ROR2: variants seen among roughly 807,000 people sequenced by gnomAD.
ROR2 encodes tyrosine-protein kinase transmembrane receptor ROR2.
A neutral mutation model predicts 74.9 loss-of-function variants in ROR2; 33 were observed. That is an observed-to-expected ratio of 0.44 (90% CI 0.33 to 0.59). ROR2 has a LOEUF of 0.59. Among genes scored for constraint, ROR2 ranks in the 20% least tolerant of loss-of-function variants. The probability of loss-of-function intolerance (pLI) is 0.02; values close to 1 mark genes in which losing one functional copy is unlikely to be tolerated. For missense variants in ROR2, 1,216 were observed against 1,313.8 expected, an observed-to-expected ratio of 0.93 and a Z score of 1.15; for synonymous variants, 586 against 558.7, an observed-to-expected ratio of 1.05 and a Z score of -0.69.
intron 1 of ROR2, among the ~76,000 whole-genome samples, chr9:91,873,072 G>A (rs554369521): frequency 6.6e-6 from 1 of 152,278 alleles, no homozygotes; most frequent in South Asian, 2.1e-4. Context: ...AACAGATATT[G>A]GATAAGGCTT....
At chr9:91,774,246 C>T (rs1413471998) in intron 2 of ROR2, among the ~76,000 whole-genome samples, 3 of 152,178 alleles carry the variant, frequency 2.0e-5, no homozygotes, top group Non-Finnish European at 4.4e-5. Context: ...CTCCAAGCAC[C>T]AGGCACCAGC....
intron 1 of ROR2, among the ~76,000 whole-genome samples, chr9:91,787,415 G>T (rs998080224): frequency 5.3e-5 from 8 of 152,162 alleles, no homozygotes; most frequent in African/African-American, 1.9e-4. Flanking sequence ...GGAGGCTGAG[G>T]CAGGAGAATC....
At chr9:91,746,201 C>A (rs926942710) in intron 4 of ROR2, among the ~76,000 whole-genome samples, 9 of 152,084 alleles carry the variant, frequency 5.9e-5, no homozygotes, top group Non-Finnish European at 8.8e-5. Context: ...ATCAGCCTCC[C>A]TAGTACCTGG....
At chr9:91,920,319 A>G (rs1831231389) in intron 1 of ROR2, among the ~76,000 whole-genome samples, 1 of 152,206 alleles carries the variant, frequency 6.6e-6, no homozygotes, top group African/African-American at 2.4e-5. Context: ...CAGCCCTGGC[A>G]ACATAGCGAG....
At chr9:91,807,175 T>C (rs886413990) in intron 1 of ROR2, among the ~76,000 whole-genome samples, 10 of 152,200 alleles carry the variant, frequency 6.6e-5, no homozygotes, top group African/African-American at 2.4e-4. Context: ...CATATCCTTT[T>C]TATCCAATCA....
chr9:91,872,854 G>C (rs1829842021), intron 1 of ROR2, among the ~76,000 whole-genome samples: 2 of 152,136 alleles, frequency 1.3e-5, no homozygotes, highest in African/African-American at 4.8e-5. Flanking sequence ...AAAAGTAAAG[G>C]CACCCTGGTG....
chr9:91,873,432 T>C (rs768598704), intron 1 of ROR2, among the ~76,000 whole-genome samples: 1 of 151,930 alleles, frequency 6.6e-6, no homozygotes, highest in East Asian at 1.9e-4. Context: ...GTACTAAAAA[T>C]AGAAAAATTA....
chr9:91,803,884 ATC>A (rs1043949733), intron 1 of ROR2, among the ~76,000 whole-genome samples: 2 of 152,242 alleles, frequency 1.3e-5, no homozygotes, highest in African/African-American at 4.8e-5. Context: ...AGACCTTACA[ATC>A]TCTGCTGAAT....
chr9:91,937,153 C>T (rs1425362758), intron 1 of ROR2, among the ~76,000 whole-genome samples: 1 of 151,914 alleles, frequency 6.6e-6, no homozygotes, highest in African/African-American at 2.4e-5. Flanking sequence ...AGTGCAAACT[C>T]GGGATTATAG....
intron 1 of ROR2, among the ~76,000 whole-genome samples, chr9:91,891,371 C>T (rs1053980108): frequency 2.6e-5 from 4 of 151,878 alleles, no homozygotes; most frequent in Non-Finnish European, 5.9e-5. Context: ...CAGGTTCAAG[C>T]AATTATGCTG....
rs549486310 is a variant in ROR2 at position 91,852,247 on chromosome 9, T to G, written c.98-76429A>C. Among the ~76,000 whole-genome samples the G allele has an allele frequency of 2.6e-5, 4 of 151,842 alleles. No homozygotes were observed. The East Asian group carries it at 7.7e-4, about 29-fold the overall frequency. ...TGCTAACATTTTCAGTTGAGTCCCT[T>G]GCATTTTCTAAATAGACAACTGAAC... On this transcript the variant is annotated intron_variant, in intron 1 of 8. Transcript: ENST00000375708.
rs35012954 is a variant in ROR2, at chr9:91,925,466, ATGTGTG to A, written c.97+24395_97+24400del. Among the ~76,000 whole-genome samples, 306 of 144,612 alleles carry A rather than the reference ATGTGTG, an allele frequency of 2.1e-3. 1 individual carries two copies. The highest frequency in any genetic ancestry group is 6.7e-3 in the African/African-American group (249 of 37,410). 94.9% of individuals were successfully genotyped at this position (144,612 alleles called of 152,430 possible). ...CCTGACAATGCTGTCAGCTGCCTGT[ATGTGTG>A]TGTGTGTGTGTGTGTGTGTGTGTGT... On this transcript the variant is annotated intron_variant, in intron 1 of 8. Transcript: ENST00000375708.
chr9:91,759,972 CAGAA>C (rs1305042461), intron 2 of ROR2, among the ~76,000 whole-genome samples: 2 of 152,200 alleles, frequency 1.3e-5, no homozygotes, highest in Non-Finnish European at 2.9e-5. Flanking sequence ...AGAAAGAAAT[CAGAA>C]AGACAGATAA....
intron 1 of ROR2, among the ~76,000 whole-genome samples, chr9:91,901,594 T>C (rs1391316849): frequency 6.6e-6 from 1 of 151,970 alleles, no homozygotes; most frequent in Non-Finnish European, 1.5e-5. Flanking sequence ...GGCAGGCGGA[T>C]CATCTGAGGT....
chr9:91,729,864 G>A (rs1027445075), intron 7 of ROR2, among the ~76,000 whole-genome samples: 2 of 152,232 alleles, frequency 1.3e-5, no homozygotes, highest in African/African-American at 4.8e-5. Context: ...AAACCTAAGT[G>A]TAAAATCTGA....
rs780576494 is a variant in ROR2, at chr9:91,725,095, C to G, written c.1399G>C (p.Glu467Gln). The G allele has an allele frequency of 6.4e-5, 104 of 1,613,828 alleles. No homozygotes were observed. Among genetic ancestry groups the G allele is most frequent in the Non-Finnish European group, 8.2e-5 (97 of 1,180,048 alleles). Residue 467 changes from glutamate to glutamine, a missense_variant, in exon 9 of 9, where the codon GAG becomes CAG. Coordinates refer to ENST00000375708, the MANE Select transcript of ROR2 (RefSeq NM_004560.4). ...AACCTCACCGCAGACAGGCTGATCT[C>G]TTTGAGTTTGGCCTGTCAAGAAGAA... ...INQHKQAKLK[E>Q]ISLSAVRFME...
intron 1 of ROR2, among the ~76,000 whole-genome samples, chr9:91,886,182 A>G (rs1830266045): frequency 6.6e-6 from 1 of 152,152 alleles, no homozygotes; most frequent in Non-Finnish European, 1.5e-5. Context: ...GGCCATGGTT[A>G]CTTTTTAAAA....
At chr9:91,899,108 C>T (rs576450071) in intron 1 of ROR2, among the ~76,000 whole-genome samples, 1 of 152,238 alleles carries the variant, frequency 6.6e-6, no homozygotes, top group African/African-American at 2.4e-5. Flanking sequence ...GTGGCCTCTT[C>T]CTGTTCCGCT....
At chr9:91,799,946 G>A (rs776582267) in intron 1 of ROR2, among the ~76,000 whole-genome samples, 1 of 152,352 alleles carries the variant, frequency 6.6e-6, no homozygotes, top group African/African-American at 2.4e-5. Context: ...CAGCTGAGGA[G>A]TGAAGGGAGA....
Sources: gnomAD v4.1 joint callset for allele counts (sites outside exome capture counted in the v4.1 genomes callset) on GRCh38, gnomAD v4.1.1 for gene constraint, MANE v1.5 for transcripts, NCBI Gene and HGNC (gene_info 2026-07-23, HGNC 2026-07-21) for gene names.